Variants in COL9A3 observed in about 807,000 individuals in gnomAD.
COL9A3 encodes collagen type IX alpha 3 chain, also known as collagen alpha-3(IX) chain.
In COL9A3, 82 loss-of-function variants were observed where a neutral mutation model predicts 110.2. The observed-to-expected ratio is 0.74, with a 90% CI of 0.62 to 0.89. The LOEUF (loss-of-function observed/expected upper bound fraction) is 0.89, where lower values mean the gene tolerates loss of function less well. Among genes scored for constraint, COL9A3 ranks in the 40% least tolerant of loss-of-function variants. COL9A3 has a pLI of 0.00. For synonymous variants in COL9A3, 494 were observed against 403.8 expected (o/e 1.22, Z -2.68); for missense variants, 1,066 against 981.3 (o/e 1.09, Z -1.15).
At chr20:62,828,112 A>C in intron 17 of COL9A3, 136 bp downstream of exon 17, 1 of 842,760 alleles carries the variant, frequency 1.2e-6, no homozygotes, top group South Asian at 1.4e-5. Flanking sequence ...ACGGTGGAAC[A>C]GCCCCGCAGC....
Position 62,829,871 on chromosome 20 carries a change from A to G in COL9A3, c.1161+52A>G, listed in dbSNP as rs1481922023. ...CGGGGGTTAGCACTGAGCCATTGGC[A>G]CATGGCCCCAGTTTCTGAGCAGGCC... On this transcript the variant is annotated intron_variant, in intron 22 of 31. Transcript: ENST00000649368. 2.0e-6 allele frequency: 3 copies of G among 1,531,764 alleles called. No homozygotes were observed. In the South Asian group the frequency reaches 3.6e-5, roughly 18 times the overall value. 94.9% of individuals were successfully genotyped at this position (1,531,764 alleles called of 1,614,324 possible).
rs369805134 is a variant in COL9A3, at chr20:62,841,114, G to A, written c.*382G>A. On this transcript the variant is annotated 3_prime_UTR_variant, in exon 32 of 32. Transcript: ENST00000649368. Reference sequence around the variant, plus strand: ...CTTCAGATTAATGACTGGCTACAGAGTAACAAAAAATAAAGAATTTAATGT... The same window carrying A: ...CTTCAGATTAATGACTGGCTACAGAATAACAAAAAATAAAGAATTTAATGT... 4.9e-5 allele frequency: 11 copies of A among 224,666 alleles called. No individual in the cohort carries two copies. The East Asian group carries it at 9.8e-4, about 20-fold the overall frequency. The allele number at this position is 224,666 out of a possible 1,614,324, so 13.9% of individuals were successfully genotyped here.
intron 16 of COL9A3, among the ~76,000 whole-genome samples, 194 bp from the exon 17 acceptor site, chr20:62,827,729 C>T (rs1239636937): frequency 2.0e-5 from 3 of 152,212 alleles, no homozygotes; most frequent in Non-Finnish European, 4.4e-5. Flanking sequence ...AGGGAGCCGC[C>T]GTGCCGTCCT....
chr20:62,822,724 C>T, intron 10 of COL9A3, 92 bp downstream of exon 10: 2 of 1,415,202 alleles, frequency 1.4e-6, no homozygotes, highest in Admixed American at 1.7e-5. Flanking sequence ...TCCATACTGG[C>T]AAGAAGGCAG....
chr20:62,829,256 C>A (rs1293383420), intron 19 of COL9A3, among the ~76,000 whole-genome samples, 199 bp from the exon 20 acceptor site: 1 of 152,204 alleles, frequency 6.6e-6, no homozygotes, highest in Non-Finnish European at 1.5e-5. Context: ...CCCCCATGGG[C>A]TCTGAGTAGG....
At chr20:62,820,241 G>T (rs910825088) in intron 5 of COL9A3, among the ~76,000 whole-genome samples, 2 of 152,052 alleles carry the variant, frequency 1.3e-5, no homozygotes, top group Admixed American at 6.5e-5. Context: ...TGGTTTGGGG[G>T]AACCCACCCC....
intron 29 of COL9A3, chr20:62,836,864 T>G: frequency 1.4e-6 from 1 of 700,568 alleles, no homozygotes; most frequent in Non-Finnish European, 2.5e-6. Flanking sequence ...CCAAGGGCAC[T>G]TCCTTCACCT....
chr20:62,824,556 C>G (rs967035697), intron 11 of COL9A3, 55 bp downstream of exon 11: 12 of 1,522,582 alleles, frequency 7.9e-6, no homozygotes, highest in African/African-American at 1.4e-5. Flanking sequence ...CAGGAGGCAG[C>G]TGGGCTCCCA....
intron 29 of COL9A3, 79 bp downstream of exon 29, chr20:62,836,611 C>T: frequency 2.1e-6 from 3 of 1,415,520 alleles, no homozygotes; most frequent in Middle Eastern, 2.1e-4. Context: ...CACAGAAAGC[C>T]TTCGTGCCAC....
upstream of COL9A3, chr20:62,816,436 G>C (rs1990910121): frequency 6.6e-6 from 1 of 152,322 alleles, no homozygotes; most frequent in Admixed American, 6.5e-5. Context: ...TCTGGTCTTA[G>C]CCGGTAGCAA....
At chr20:62,820,049 C>G (rs1226003173) in intron 5 of COL9A3, 67 bp downstream of exon 5, 3 of 1,558,568 alleles carry the variant, frequency 1.9e-6, no homozygotes, top group Non-Finnish European at 2.6e-6. Flanking sequence ...CCTCTGGCTG[C>G]TCTGTGTCCA....
chr20:62,825,043 T>C (rs772876447), intron 12 of COL9A3, 22 bp downstream of exon 12: 2 of 1,593,524 alleles, frequency 1.3e-6, no homozygotes, highest in Non-Finnish European at 1.7e-6. Context: ...GCACAGCAGC[T>C]GGGGAGGAGC....
intron 26 of COL9A3, 54 bp downstream of exon 26, chr20:62,833,118 T>C: frequency 6.9e-7 from 1 of 1,450,668 alleles, no homozygotes; most frequent in East Asian, 2.3e-5. Flanking sequence ...AGGTCGCCAC[T>C]GTGGCTGGGG....
intron 17 of COL9A3, 42 bp downstream of exon 17, chr20:62,828,018 T>G: frequency 6.2e-7 from 1 of 1,607,074 alleles, no homozygotes; most frequent in Non-Finnish European, 8.5e-7. Flanking sequence ...CTCCCCCGGG[T>G]CCTGGGTATG....
rs1180840596 is a variant in COL9A3, at chr20:62,840,628, G to A, written c.1951G>A (p.Gly651Ser). ...PGPPGDPGLP[G>S]AIGAQGTPGI... ...GCCTCCCGGAGATCCTGGGCTTCCA[G>A]GTGCCATTGGGGCCCAGGGGACACC... is the stretch of plus-strand genomic sequence containing the variant. Residue 651 changes from glycine (G) to serine (S), a missense_variant, in exon 32 of 32, where the codon GGT becomes AGT. Transcript: ENST00000649368. 6.2e-7 allele frequency: 1 copy of A among 1,612,646 alleles called. No individual in the cohort carries two copies. Among genetic ancestry groups the A allele is most frequent in the African/African-American group, 1.3e-5 (1 of 74,926 alleles).
At chr20:62,819,855 G>A in intron 4 of COL9A3, 74 bp from the exon 5 acceptor site, 1 of 1,547,386 alleles carries the variant, frequency 6.5e-7, no homozygotes, top group Non-Finnish European at 8.9e-7. Context: ...AAGGGTCCGT[G>A]CTTCCATTTT....
chr20:62,823,643 C>T (rs777980040), intron 10 of COL9A3, among the ~76,000 whole-genome samples: 8 of 152,232 alleles, frequency 5.3e-5, no homozygotes, highest in South Asian at 2.1e-4. Context: ...GCTGAAGATA[C>T]GGGTCTGCAC....
chr20:62,825,296 A>G (rs143838615), intron 12 of COL9A3, among the ~76,000 whole-genome samples: 1 of 152,178 alleles, frequency 6.6e-6, no homozygotes, highest in East Asian at 1.9e-4. Flanking sequence ...TGATTTAGGC[A>G]GGGTCCCTGG....
chr20:62,827,946 C>A lies in COL9A3; in HGVS notation c.870C>A (p.Thr290=). Residue 290 remains threonine, a synonymous_variant, in exon 17 of 32, where the codon ACC becomes ACA. Transcript: ENST00000649368. ...GDLGRPGPKG[T]PGVAGPSGEP... ...AGGGCAGACCTGGTCCCAAGGGAAC[C>A]CCCGGAGTGGCCGGGCCAAGCGGAG... 6.2e-7 allele frequency: 1 copy of A among 1,612,984 alleles called. No individual in the cohort carries two copies. Among genetic ancestry groups the A allele is most frequent in the Non-Finnish European group, 8.5e-7 (1 of 1,179,996 alleles).
Sources: gnomAD v4.1 joint callset for allele counts (sites outside exome capture counted in the v4.1 genomes callset) on GRCh38, gnomAD v4.1.1 for gene constraint, MANE v1.5 for transcripts, NCBI Gene and HGNC (gene_info 2026-07-23, HGNC 2026-07-21) for gene names.